The following NAT1 variants were observed in gnomAD, a reference collection of about 807,000 sequenced individuals.
The protein encoded by NAT1 is arylamine N-acetyltransferase 1.
For missense variants in NAT1, 400 were observed against 339.2 expected (o/e 1.18, Z -1.41); for synonymous variants, 144 against 122.6 (o/e 1.17, Z -1.16).
intron 2 of NAT1, 141 bp from the exon 3 acceptor site, chr8:18,221,901 C>A: frequency 1.1e-6 from 1 of 884,270 alleles, no homozygotes; most frequent in Non-Finnish European, 1.7e-6. Context: ...AAAAGGAATT[C>A]ATACAATGAA....
chr8:18,184,338 A>C (rs1166449878), intron 2 of NAT1, among the ~76,000 whole-genome samples: 1 of 152,104 alleles, frequency 6.6e-6, no homozygotes, highest in African/African-American at 2.4e-5. Context: ...GCCCTGATAG[A>C]GAGCAGCCCA....
chr8:18,179,905 T>C (rs1446361216), intron 2 of NAT1, among the ~76,000 whole-genome samples: 1 of 152,134 alleles, frequency 6.6e-6, no homozygotes, highest in Non-Finnish European at 1.5e-5. Context: ...GATTAAATCT[T>C]AAGCAACTTT....
intron 1 of NAT1, chr8:18,216,904 T>C: frequency 2.6e-6 from 4 of 1,551,032 alleles, no homozygotes; most frequent in Non-Finnish European, 3.5e-6. Flanking sequence ...ATGCTGTTAT[T>C]ACTCTTACAC....
At chr8:18,203,047 G>A (rs898981486) in intron 2 of NAT1, among the ~76,000 whole-genome samples, 1 of 152,142 alleles carries the variant, frequency 6.6e-6, no homozygotes, top group Non-Finnish European at 1.5e-5. Flanking sequence ...GTGCTGATTG[G>A]TGCATTTACA....
chr8:18,186,941 C>A (rs1486713340), intron 2 of NAT1, among the ~76,000 whole-genome samples: 1 of 152,064 alleles, frequency 6.6e-6, no homozygotes, highest in Non-Finnish European at 1.5e-5. Context: ...AGGGAAGGGG[C>A]CCCTGGCTAG....
upstream of NAT1, among the ~76,000 whole-genome samples, chr8:18,205,734 T>C (rs531188217): frequency 1.8e-4 from 27 of 152,268 alleles, no homozygotes; most frequent in African/African-American, 5.3e-4. Flanking sequence ...AGAGGGTGCA[T>C]GCAGGCTGGT....
intron 2 of NAT1, among the ~76,000 whole-genome samples, chr8:18,192,322 T>C (rs1803025795): frequency 2.0e-5 from 3 of 152,138 alleles, no homozygotes; most frequent in African/African-American, 7.2e-5. Context: ...ATGGCGATCA[T>C]TAAAAAGTCA....
At chr8:18,186,928 T>C (rs1017242164) in intron 2 of NAT1, among the ~76,000 whole-genome samples, 1 of 152,152 alleles carries the variant, frequency 6.6e-6, no homozygotes, top group Non-Finnish European at 1.5e-5. Context: ...AAGTGAAAGC[T>C]GCAGGGAAGG....
In NAT1 at chr8:18,216,885, A is replaced by G. The variant is rs1266059214; in HGVS notation, c.-85-2526A>G. ...AATTATTTCTTCAACAGACGTGTAC[A>G]GAAGGGCCATGCTGTTATTACTCTT... On this transcript the variant is annotated intron_variant, in intron 1 of 2. Coordinates refer to ENST00000307719, the MANE Select transcript of NAT1 (RefSeq NM_000662.8). 7.1e-6 allele frequency: 11 copies of G among 1,547,790 alleles called. No individual in the cohort carries two copies. The South Asian group carries it at 1.2e-4, about 17-fold the overall frequency.
chr8:18,194,864 G>A (rs1563171563), intron 2 of NAT1, among the ~76,000 whole-genome samples: 1 of 151,726 alleles, frequency 6.6e-6, no homozygotes, highest in Non-Finnish European at 1.5e-5. Flanking sequence ...GCAGGAATGT[G>A]TATGTTTCTC....
chr8:18,184,945 C>G (rs1170198378), intron 2 of NAT1, among the ~76,000 whole-genome samples: 1 of 152,192 alleles, frequency 6.6e-6, no homozygotes, highest in African/African-American at 2.4e-5. Context: ...AAGCTTATCT[C>G]AAATTCCTGG....
At chr8:18,196,048 A>G (rs1410283746) in intron 2 of NAT1, among the ~76,000 whole-genome samples, 1 of 152,206 alleles carries the variant, frequency 6.6e-6, no homozygotes, top group African/African-American at 2.4e-5. Flanking sequence ...ATTAATTTAC[A>G]GAAAAAAAGC....
At chr8:18,189,574 G>A (rs1256447245) in intron 2 of NAT1, among the ~76,000 whole-genome samples, 1 of 152,160 alleles carries the variant, frequency 6.6e-6, no homozygotes, top group Non-Finnish European at 1.5e-5. Context: ...AATCTCAAGG[G>A]GAGTGGGAAG....
upstream of NAT1, chr8:18,209,907 C>G (rs937575738): frequency 2.6e-5 from 4 of 152,250 alleles, no homozygotes; most frequent in South Asian, 8.3e-4. Flanking sequence ...TCCTCCCAGC[C>G]GGTGGCATGG....
chr8:18,197,335 A>C (rs28383686), intron 2 of NAT1, among the ~76,000 whole-genome samples: 16,927 of 152,224 alleles, frequency 0.11, 2,650 homozygotes, highest in African/African-American at 0.35. Context: ...TCATTGAAGT[A>C]CATAAAGACA....
intron 2 of NAT1, among the ~76,000 whole-genome samples, chr8:18,198,414 A>C (rs917686357): frequency 1.3e-5 from 2 of 152,210 alleles, no homozygotes. Context: ...AAGATTCTTA[A>C]ATCCCCTTCT....
At chr8:18,182,961 T>C (rs1802577282) in intron 2 of NAT1, among the ~76,000 whole-genome samples, 1 of 152,214 alleles carries the variant, frequency 6.6e-6, no homozygotes, top group Admixed American at 6.5e-5. Context: ...TTACTATTTA[T>C]TTGAAGTTGT....
intron 1 of NAT1, among the ~76,000 whole-genome samples, chr8:18,213,985 T>C (rs757177181): frequency 6.6e-6 from 1 of 152,068 alleles, no homozygotes; most frequent in Non-Finnish European, 1.5e-5. Context: ...GGCTAACTTT[T>C]TGTATTTTTA....
upstream of NAT1, among the ~76,000 whole-genome samples, chr8:18,209,203 A>G (rs28359474): frequency 6.8e-3 from 1,037 of 152,324 alleles, 11 homozygotes; most frequent in African/African-American, 0.023. Flanking sequence ...AAGTCTATCT[A>G]GCCTGCCTGA....
Sources: allele counts gnomAD v4.1 joint callset (sites outside exome capture counted in the v4.1 genomes callset), GRCh38; gene constraint gnomAD v4.1.1; transcripts MANE v1.5; gene names NCBI Gene and HGNC (gene_info 2026-07-23, HGNC 2026-07-21).